Variants in TSKS observed in about 807,000 individuals in gnomAD.
The protein encoded by TSKS is testis specific serine kinase substrate, also known as testis-specific serine kinase substrate.
In TSKS, 27 loss-of-function variants were observed where a neutral mutation model predicts 68.0. That is an observed-to-expected ratio of 0.40 (90% confidence interval 0.29 to 0.55). The LOEUF (loss-of-function observed/expected upper bound fraction) is 0.55. Among genes scored for constraint, TSKS ranks in the 20% least tolerant of loss-of-function variants. The probability of loss-of-function intolerance (pLI) is 0.53; values close to 1 mark genes in which losing one functional copy is unlikely to be tolerated. For missense variants in TSKS, 806 were observed against 776.0 expected (o/e 1.04, Z -0.46); for synonymous variants, 331 against 340.4 (o/e 0.97, Z 0.30).
At position 49,744,366 on chromosome 19, in the gene TSKS, C is replaced by G. The variant is rs1429000062; in HGVS notation, c.1226G>C (p.Ser409Thr). Residue 409 changes from serine to threonine, a missense_variant, in exon 8 of 11, where the codon AGC (serine) becomes ACC (threonine). Transcript: ENST00000246801. ...CAGTGGGCCCAGCCCCTCCAGTTCG[C>G]TCCTCAGTGAAGCCACAGACACTGC... is the stretch of plus-strand genomic sequence containing the variant. ...RSAVSVASLRSELEGLGPLKP... is the reference protein window; with the variant it reads ...RSAVSVASLRTELEGLGPLKP... 1.2e-6 allele frequency: 2 copies of G among 1,614,106 alleles called. No homozygotes were observed. Among genetic ancestry groups the G allele is most frequent in the Non-Finnish European group, 1.7e-6 (2 of 1,180,042 alleles).
rs774960769 is a variant in TSKS, at chr19:49,742,033, C to A, written c.1362-13G>T. Reference sequence around the variant, plus strand: ...CTGCGACCCCTGGCTGGGGGAGGGGCGGTCACCAGATAAAGAGGCCCAGTA... The same window carrying A: ...CTGCGACCCCTGGCTGGGGGAGGGGAGGTCACCAGATAAAGAGGCCCAGTA... On this transcript the variant is annotated splice_polypyrimidine_tract_variant and intron_variant, in intron 8 of 10. Transcript: ENST00000246801. 10 of 1,612,696 alleles carry A rather than the reference C, an allele frequency of 6.2e-6. No homozygotes were observed. The Admixed American group carries it at 1.0e-4, about 16-fold the overall frequency.
intron 8 of TSKS, among the ~76,000 whole-genome samples, chr19:49,743,281 G>A (rs1361369953): frequency 2.0e-5 from 3 of 151,772 alleles, no homozygotes; most frequent in Non-Finnish European, 2.9e-5. Flanking sequence ...GTCTCACCAT[G>A]TTGGCCAGGC....
intron 2 of TSKS, among the ~76,000 whole-genome samples, chr19:49,750,262 CT>C (rs34913477): frequency 0.065 from 8,825 of 136,080 alleles, 316 homozygotes; most frequent in Admixed American, 0.13. Context: ...CATTGACATT[CT>C]TTTTTTTTTT....
At chr19:49,762,292 T>A (rs3745477) in intron 1 of TSKS, 60 bp from the exon 2 acceptor site, 12 of 1,385,454 alleles carry the variant, frequency 8.7e-6, no homozygotes, top group Non-Finnish European at 1.1e-5. Context: ...TGGGCCCTCC[T>A]GCCTTCCTTT....
chr19:49,746,346 C>T, intron 6 of TSKS, 124 bp downstream of exon 6: 1 of 1,189,378 alleles, frequency 8.4e-7, no homozygotes, highest in Non-Finnish European at 1.2e-6. Context: ...ACCCATGTCA[C>T]CGCCCACCTC....
chr19:49,761,789 C>T (rs2084442629), intron 2 of TSKS, among the ~76,000 whole-genome samples: 1 of 151,766 alleles, frequency 6.6e-6, no homozygotes, highest in Admixed American at 6.6e-5. Context: ...CACAGTGAGA[C>T]TGTCTCTAAA....
At chr19:49,753,207 C>CT (rs2084364824) in intron 2 of TSKS, among the ~76,000 whole-genome samples, 1 of 152,122 alleles carries the variant, frequency 6.6e-6, no homozygotes, top group Admixed American at 6.6e-5. Flanking sequence ...GGGAGGACTG[C>CT]TTGAGCCCAG....
intron 2 of TSKS, among the ~76,000 whole-genome samples, chr19:49,755,956 G>A (rs140466793): frequency 5.0e-4 from 76 of 152,134 alleles, no homozygotes; most frequent in Non-Finnish European, 9.1e-4. Context: ...AGCCGAGATC[G>A]TGCCATTGCA....
At chr19:49,753,592 AAT>A (rs1568565145) in intron 2 of TSKS, among the ~76,000 whole-genome samples, 41 of 147,368 alleles carry the variant, frequency 2.8e-4, no homozygotes, top group African/African-American at 7.9e-4. Flanking sequence ...TAATAATAAT[AAT>A]AAAATAAAAT....
Position 49,746,651 on chromosome 19 carries a change from T to G in TSKS, c.811A>C (p.Asn271His). 1 of 1,607,884 alleles carries G rather than the reference T, an allele frequency of 6.2e-7. No individual in the cohort carries two copies. The change falls in exon 6 of 11, where the codon AAC becomes CAC. Residue 271 changes from asparagine (N) to histidine (H), a missense_variant. Physicochemically the swap from Asn to His is moderately conservative, Grantham distance 68 (BLOSUM62 1). Transcript: ENST00000246801. ...GACGTGGCGGCGGGGCCCAGGCTGT[T>G]CCAGGAGAGGCCAGCCTCCGGCTTC... ...KQKPEAGLSWNSLGPAATSQG... is the reference protein window; with the variant it reads ...KQKPEAGLSWHSLGPAATSQG...
intron 6 of TSKS, among the ~76,000 whole-genome samples, chr19:49,746,154 GC>G (rs1415952796): frequency 6.6e-6 from 1 of 152,068 alleles, no homozygotes; most frequent in Admixed American, 6.6e-5. Flanking sequence ...CTGCACTCCA[GC>G]CTGGGCGACA....
chr19:49,763,290 G>A lies in TSKS; in HGVS notation c.-43C>T. The A allele has an allele frequency of 6.8e-7, 1 of 1,474,272 alleles. No homozygotes were observed. 91.3% of individuals were successfully genotyped at this position (1,474,272 alleles called of 1,614,324 possible). On this transcript the variant is annotated 5_prime_UTR_variant, in exon 1 of 11. Transcript: ENST00000246801. The surrounding 1 kb of genome is among the most constrained non-coding windows in gnomAD (Gnocchi z 4.5). ...CCCAGGGAGGGGCTCCTTCCTCTGAGACTTCCTACCTACTGTGACCACAGA... is the reference window on the plus strand; with the variant it reads ...CCCAGGGAGGGGCTCCTTCCTCTGAAACTTCCTACCTACTGTGACCACAGA...
At chr19:49,750,694 C>T (rs1305653338) in intron 2 of TSKS, among the ~76,000 whole-genome samples, 1 of 152,148 alleles carries the variant, frequency 6.6e-6, no homozygotes, top group African/African-American at 2.4e-5. Context: ...ATGATCTCTT[C>T]CCCTGTTCCC....
chr19:49,747,138 C>A lies in TSKS; in HGVS notation c.663+251G>T, dbSNP rs1041624712. The stretch of plus-strand genomic sequence containing the variant: ...TGAGTGGGCATGTGGACAGGACGGG[C>A]CTTCTCACCTGAAGTCCAGCTCGAT... On this transcript the variant is annotated intron_variant, in intron 5 of 10. Coordinates refer to ENST00000246801, the MANE Select transcript of TSKS (RefSeq NM_021733.2). 2.0e-6 allele frequency: 3 copies of A among 1,532,922 alleles called. No individual in the cohort carries two copies. In the African/African-American group the frequency reaches 4.1e-5, roughly 21 times the overall value. 95.0% of individuals were successfully genotyped at this position (1,532,922 alleles called of 1,614,324 possible). A position where few individuals can be genotyped will look rare whatever the true frequency, so the allele number is the denominator to read the frequency against.
intron 2 of TSKS, among the ~76,000 whole-genome samples, chr19:49,754,221 A>G (rs1283026223): frequency 6.7e-6 from 1 of 149,176 alleles, no homozygotes; most frequent in African/African-American, 2.5e-5. Context: ...TTTTCAGGCC[A>G]GGCACGGTGG....
intron 2 of TSKS, among the ~76,000 whole-genome samples, chr19:49,758,180 C>CCT (rs781016612): frequency 1.3e-5 from 2 of 150,586 alleles, no homozygotes; most frequent in African/African-American, 2.4e-5. Context: ...TCTCTGTTCC[C>CCT]CTCTCTCTCT....
At chr19:49,741,033 C>A (rs568106699) in intron 9 of TSKS, among the ~76,000 whole-genome samples, 1 of 151,974 alleles carries the variant, frequency 6.6e-6, no homozygotes, top group Non-Finnish European at 1.5e-5. Flanking sequence ...AAAAAATTAG[C>A]CAGGTATGGT....
intron 2 of TSKS, among the ~76,000 whole-genome samples, chr19:49,750,327 C>T (rs28682480): frequency 0.069 from 10,284 of 148,294 alleles, 643 homozygotes; most frequent in African/African-American, 0.17. Context: ...GGCATGATCT[C>T]GGCTCACTGC....
At chr19:49,755,753 A>C (rs2084387541) in intron 2 of TSKS, among the ~76,000 whole-genome samples, 1 of 152,194 alleles carries the variant, frequency 6.6e-6, no homozygotes, top group South Asian at 2.1e-4. Context: ...CTGTAATCCC[A>C]GCACTTTGGG....
Sources: allele counts gnomAD v4.1 joint callset (sites outside exome capture counted in the v4.1 genomes callset), GRCh38; gene constraint gnomAD v4.1.1; non-coding constraint Gnocchi (gnomAD v3.1); transcripts MANE v1.5; gene names NCBI Gene and HGNC (gene_info 2026-07-23, HGNC 2026-07-21).